SLC25A21: variants seen among roughly 807,000 people sequenced by gnomAD.
SLC25A21 encodes the protein solute carrier family 25 member 21.
A neutral mutation model predicts 43.8 loss-of-function variants in SLC25A21; 47 were observed. The ratio of observed to expected loss-of-function variants is 1.07; its 90% CI spans 0.85 to 1.37. SLC25A21 has a LOEUF of 1.37. SLC25A21 is among the 40% of genes most tolerant of loss of function. SLC25A21 has a pLI of 0.00. For missense variants in SLC25A21, 352 were observed against 350.2 expected (o/e 1.00, Z -0.04); for synonymous variants, 131 against 121.3 (o/e 1.08, Z -0.52).
chr14:36,776,180 C>A lies in SLC25A21; in HGVS notation c.203+37738G>T, dbSNP rs142205555. Among the ~76,000 whole-genome samples, 140 of 148,884 alleles carry A rather than the reference C, an allele frequency of 9.4e-4. No homozygotes were observed. In the Middle Eastern group the frequency reaches 0.017, roughly 18 times the overall value. Reference sequence around the variant, plus strand: ...CACAACCACACTCAATCCATCAATTCTTGAAACTTTGAAACTTCCCACCAA... The same window carrying A: ...CACAACCACACTCAATCCATCAATTATTGAAACTTTGAAACTTCCCACCAA... On this transcript the variant is annotated intron_variant, in intron 3 of 9. Coordinates refer to ENST00000331299, the MANE Select transcript of SLC25A21 (RefSeq NM_030631.4).
chr14:37,152,792 G>T (rs1406715176), intron 1 of SLC25A21, among the ~76,000 whole-genome samples: 2 of 152,174 alleles, frequency 1.3e-5, no homozygotes, highest in Non-Finnish European at 2.9e-5. Flanking sequence ...ATCAATTTTT[G>T]AGGAAAGGGA....
At chr14:36,928,366 A>G (rs1459355183) in intron 1 of SLC25A21, among the ~76,000 whole-genome samples, 3 of 152,180 alleles carry the variant, frequency 2.0e-5, no homozygotes, top group African/African-American at 7.2e-5. Flanking sequence ...TAATTTGATT[A>G]CTATTTATTT....
At chr14:37,017,733 T>C (rs945345054) in intron 1 of SLC25A21, among the ~76,000 whole-genome samples, 1 of 152,038 alleles carries the variant, frequency 6.6e-6, no homozygotes, top group Non-Finnish European at 1.5e-5. Context: ...TATTATTATT[T>C]TTCGCATAAT....
At chr14:36,789,932 A>G (rs1887421161) in intron 3 of SLC25A21, among the ~76,000 whole-genome samples, 1 of 125,852 alleles carries the variant, frequency 7.9e-6, no homozygotes, top group South Asian at 2.2e-4. Context: ...TTTATATATT[A>G]TATATAAATA....
chr14:36,891,515 T>G (rs1444435373), intron 1 of SLC25A21, among the ~76,000 whole-genome samples: 2 of 152,160 alleles, frequency 1.3e-5, no homozygotes, highest in Non-Finnish European at 2.9e-5. Flanking sequence ...AAGGATCAAT[T>G]TCTTCATTTA....
chr14:36,682,976 A>G (rs771927862), intron 9 of SLC25A21, among the ~76,000 whole-genome samples: 4 of 152,216 alleles, frequency 2.6e-5, no homozygotes, highest in Non-Finnish European at 4.4e-5. Context: ...GTAGCAGGGT[A>G]GGAGGACAAT....
chr14:36,986,998 ACT>A (rs758164533), intron 1 of SLC25A21, among the ~76,000 whole-genome samples: 22 of 151,840 alleles, frequency 1.4e-4, no homozygotes, highest in African/African-American at 2.2e-4. Flanking sequence ...ACACCATGAG[ACT>A]CTCTGCTACA....
At chr14:36,764,457 G>A (rs1202951603) in intron 3 of SLC25A21, among the ~76,000 whole-genome samples, 1 of 148,510 alleles carries the variant, frequency 6.7e-6, no homozygotes, top group African/African-American at 2.5e-5. Flanking sequence ...TGAGATTGAA[G>A]CACAAGCTGC....
At chr14:36,699,824 G>A (rs1883201196) in intron 7 of SLC25A21, among the ~76,000 whole-genome samples, 3 of 152,172 alleles carry the variant, frequency 2.0e-5, no homozygotes, top group African/African-American at 4.8e-5. Context: ...ATTTGGGCGG[G>A]AGTGCCCCGT....
At chr14:37,081,595 C>T (rs1962389741) in intron 1 of SLC25A21, among the ~76,000 whole-genome samples, 1 of 152,212 alleles carries the variant, frequency 6.6e-6, no homozygotes, top group Admixed American at 6.5e-5. Flanking sequence ...GAGGGAAATA[C>T]TACATTATTA....
At chr14:37,019,552 T>C (rs992284090) in intron 1 of SLC25A21, among the ~76,000 whole-genome samples, 1 of 151,644 alleles carries the variant, frequency 6.6e-6, no homozygotes, top group Non-Finnish European at 1.5e-5. Context: ...GCCTGAAGAG[T>C]TAGAAAGACA....
At chr14:37,172,253 C>G in intron 1 of SLC25A21, 28 bp downstream of exon 1, 1 of 1,568,838 alleles carries the variant, frequency 6.4e-7, no homozygotes. Flanking sequence ...CGACTAGCCT[C>G]CGGCGGGGCA....
intron 1 of SLC25A21, among the ~76,000 whole-genome samples, chr14:37,041,455 A>C (rs35844261): frequency 3.3e-5 from 5 of 151,862 alleles, no homozygotes; most frequent in Non-Finnish European, 7.4e-5. Context: ...AAGAGTTCAA[A>C]TCCAGTCTGA....
chr14:37,124,669 T>A (rs1398897793), intron 1 of SLC25A21, among the ~76,000 whole-genome samples: 1 of 152,182 alleles, frequency 6.6e-6, no homozygotes, highest in East Asian at 1.9e-4. Flanking sequence ...TGGGATCTGA[T>A]GTGGTTTGGA....
rs199766905 is a variant in SLC25A21, at chr14:37,142,561, CTA to C, written c.70+29718_70+29719del. On this transcript the variant is annotated intron_variant, in intron 1 of 9. Transcript: ENST00000331299. ...TATTATTTGTAGAGACGAGGTCTCACTATGTTACCAGGCTGATCCGGAACTCC... is the reference window on the plus strand; with the variant it reads ...TATTATTTGTAGAGACGAGGTCTCACTGTTACCAGGCTGATCCGGAACTCC... Among the ~76,000 whole-genome samples, 47 of 152,152 alleles carry C rather than the reference CTA, an allele frequency of 3.1e-4. 1 individual carries two copies. The East Asian group carries it at 8.7e-3, about 28-fold the overall frequency.
At chr14:36,998,477 G>A (rs543855462) in intron 1 of SLC25A21, among the ~76,000 whole-genome samples, 1 of 152,242 alleles carries the variant, frequency 6.6e-6, no homozygotes, top group African/African-American at 2.4e-5. Context: ...ACTTGGAACA[G>A]CTTGCCATTA....
chr14:37,070,407 T>TA (rs1360293579), intron 1 of SLC25A21, among the ~76,000 whole-genome samples: 2 of 152,222 alleles, frequency 1.3e-5, no homozygotes, highest in Non-Finnish European at 2.9e-5. Flanking sequence ...AGACCTCTTT[T>TA]AAACTTCTGC....
chr14:37,089,009 CAG>C (rs760919798), intron 1 of SLC25A21, among the ~76,000 whole-genome samples: 11 of 152,132 alleles, frequency 7.2e-5, no homozygotes, highest in Non-Finnish European at 1.2e-4. Flanking sequence ...ATAATGTATA[CAG>C]AGTCTCTGAC....
chr14:37,055,074 A>G (rs1032532033), intron 1 of SLC25A21, among the ~76,000 whole-genome samples: 2 of 152,218 alleles, frequency 1.3e-5, no homozygotes, highest in African/African-American at 4.8e-5. Flanking sequence ...GCAAGCGTCA[A>G]CTGCGGAAAT....
Sources: allele counts gnomAD v4.1 joint callset (sites outside exome capture counted in the v4.1 genomes callset), GRCh38; gene constraint gnomAD v4.1.1; transcripts MANE v1.5; gene names NCBI Gene and HGNC (gene_info 2026-07-23, HGNC 2026-07-21).